SNF8: variants seen among roughly 807,000 people sequenced by gnomAD.
SNF8 encodes the protein SNF8 subunit of ESCRT-II.
In SNF8, 19 loss-of-function variants were observed where a neutral mutation model predicts 36.8. The observed-to-expected ratio is 0.52, with a 90% CI of 0.36 to 0.76. SNF8 has a LOEUF of 0.76. Among genes scored for constraint, SNF8 ranks in the 30% least tolerant of loss-of-function variants. The pLI, the probability that SNF8 is intolerant of heterozygous loss-of-function variation, is 0.00. For synonymous variants in SNF8, 127 were observed against 127.4 expected, an observed-to-expected ratio of 1.00 and a Z score of 0.02; for missense variants, 268 against 322.9, an observed-to-expected ratio of 0.83 and a Z score of 1.30.
At chr17:48,934,702 T>G (rs892320111) in intron 5 of SNF8, 1 of 152,830 alleles carries the variant, frequency 6.5e-6, no homozygotes, top group Non-Finnish European at 1.5e-5. Flanking sequence ...GAACAATGAG[T>G]GCATGCCTCA....
At chr17:48,935,512 CAAAAAAA>C (rs34255720) in intron 5 of SNF8, among the ~76,000 whole-genome samples, 1 of 88,948 alleles carries the variant, frequency 1.1e-5, no homozygotes, top group East Asian at 3.7e-4. Context: ...GACTCTGTCT[CAAAAAAA>C]AAAAAAAAAA....
chr17:48,941,854 C>A (rs1199209009), intron 2 of SNF8, among the ~76,000 whole-genome samples: 3 of 151,918 alleles, frequency 2.0e-5, no homozygotes. Flanking sequence ...CCACACCTGG[C>A]TAATTTTTGT....
In SNF8 at chr17:48,930,164, A is replaced by G. The variant is rs933228309; in HGVS notation, c.*311T>C. ...AGGCTGTAATCTATGTCTCACAGCT[A>G]CAAAGACTAGACAGGCCAGGAAACA... On this transcript the variant is annotated 3_prime_UTR_variant, in exon 8 of 8. Coordinates refer to ENST00000502492, the MANE Select transcript of SNF8 (RefSeq NM_007241.4). 5 of 210,380 alleles carry G rather than the reference A, an allele frequency of 2.4e-5. No homozygotes were observed. Among genetic ancestry groups the G allele is most frequent in the Admixed American group, 5.5e-5 (1 of 18,264 alleles). 13.0% of individuals were successfully genotyped at this position (210,380 alleles called of 1,614,324 possible).
intron 4 of SNF8, chr17:48,936,552 A>C (rs1016842606): frequency 3.0e-6 from 1 of 333,452 alleles, no homozygotes; most frequent in Non-Finnish European, 5.6e-6. Context: ...AATGGTTTTA[A>C]GTTTTCTTTC....
chr17:48,937,593 A>G (rs967032276), intron 3 of SNF8, among the ~76,000 whole-genome samples: 57 of 149,022 alleles, frequency 3.8e-4, no homozygotes, highest in Non-Finnish European at 6.8e-4. Flanking sequence ...TCGCGCCACC[A>G]TACTCCAGCC....
chr17:48,941,078 G>A lies in SNF8; in HGVS notation c.106-16C>T. On this transcript the variant is annotated splice_polypyrimidine_tract_variant and intron_variant, in intron 2 of 7. Coordinates refer to ENST00000502492, the MANE Select transcript of SNF8 (RefSeq NM_007241.4). ...GCTTTGACATCTGTTGGATGGACAG[G>A]GAGTGGTGAAGGGCAGCCCAGCCAA... The A allele has an allele frequency of 1.9e-6, 3 of 1,611,354 alleles. No homozygotes were observed. The highest frequency in any genetic ancestry group is 2.5e-6 in the Non-Finnish European group (3 of 1,177,934).
At chr17:48,940,573 G>A (rs184358016) in intron 3 of SNF8, among the ~76,000 whole-genome samples, 19 of 151,992 alleles carry the variant, frequency 1.3e-4, no homozygotes, top group African/African-American at 4.3e-4. Flanking sequence ...GGCGGATCAC[G>A]AGGTCAGGAT....
intron 5 of SNF8, among the ~76,000 whole-genome samples, chr17:48,933,784 G>A (rs1281359112): frequency 6.6e-6 from 1 of 152,114 alleles, no homozygotes; most frequent in Non-Finnish European, 1.5e-5. Flanking sequence ...AAAAGACAGG[G>A]TCAAGGAGCA....
rs2040825129 is a variant in SNF8, at chr17:48,929,516, C to T, written c.*959G>A. On this transcript the variant is annotated 3_prime_UTR_variant, in exon 8 of 8. Transcript: ENST00000502492. ...CTTAAACAACTCTGGCCTCTTCCCT[C>T]ATCACCACTTCTACTTGCTATAGGA... 1 of 152,186 alleles carries T rather than the reference C, an allele frequency of 6.6e-6. No homozygotes were observed. Among genetic ancestry groups the T allele is most frequent in the Admixed American group, 6.5e-5 (1 of 15,272 alleles). 9.4% of individuals were successfully genotyped at this position (152,186 alleles called of 1,614,324 possible).
intron 2 of SNF8, 63 bp downstream of exon 2, chr17:48,943,862 A>C (rs565759582): frequency 1.4e-6 from 2 of 1,414,654 alleles, no homozygotes; most frequent in African/African-American, 2.8e-5. Context: ...GTTCGTATCC[A>C]AGGTGTCTTG....
chr17:48,934,999 T>C (rs1023877388), intron 5 of SNF8, among the ~76,000 whole-genome samples: 3 of 152,208 alleles, frequency 2.0e-5, no homozygotes, highest in Admixed American at 6.5e-5. Flanking sequence ...TTATATTCCA[T>C]CATCTCACTA....
intron 5 of SNF8, among the ~76,000 whole-genome samples, chr17:48,935,395 C>T (rs985229611): frequency 1.3e-5 from 2 of 151,968 alleles, no homozygotes; most frequent in African/African-American, 4.8e-5. Flanking sequence ...CGCCTGTAGT[C>T]CCAGCTACTC....
At chr17:48,939,473 T>C (rs868796757) in intron 3 of SNF8, among the ~76,000 whole-genome samples, 25 of 149,852 alleles carry the variant, frequency 1.7e-4, no homozygotes, top group Non-Finnish European at 3.6e-4. Flanking sequence ...TTTTTTTTTT[T>C]TGGGGGGATG....
rs868796757 is a variant in SNF8 at position 48,939,473 on chromosome 17, T to G, written c.244+1451A>C. ...TTAGTAATTTCTTTTTTTTTTTTTT[T>G]TGGGGGGATGGAGTCTCGCTCTGTT... On this transcript the variant is annotated intron_variant, in intron 3 of 7. Transcript: ENST00000502492. Among the ~76,000 whole-genome samples, 867 of 149,852 alleles carry G rather than the reference T, an allele frequency of 5.8e-3. 12 individuals carry two copies. Among genetic ancestry groups the G allele is most frequent in the African/African-American group, 0.018 (739 of 41,134 alleles).
intron 2 of SNF8, 74 bp downstream of exon 2, chr17:48,943,851 A>G (rs1231012730): frequency 6.8e-6 from 9 of 1,322,372 alleles, no homozygotes; most frequent in Non-Finnish European, 9.8e-6. Context: ...TACACAATCA[A>G]GTTCGTATCC....
At chr17:48,938,295 G>A (rs548116272) in intron 3 of SNF8, among the ~76,000 whole-genome samples, 2 of 151,814 alleles carry the variant, frequency 1.3e-5, no homozygotes, top group Non-Finnish European at 2.9e-5. Flanking sequence ...TCAGGAGTTC[G>A]AGAACAGCCT....
intron 3 of SNF8, among the ~76,000 whole-genome samples, chr17:48,939,215 G>A (rs1442417119): frequency 2.7e-5 from 4 of 149,874 alleles, no homozygotes; most frequent in Admixed American, 1.3e-4. Flanking sequence ...TGAGCCAAGA[G>A]TGTCACACCA....
At chr17:48,930,759 T>C (rs2040847231) in intron 7 of SNF8, 147 bp from the exon 8 acceptor site, 1 of 814,044 alleles carries the variant, frequency 1.2e-6, no homozygotes, top group Non-Finnish European at 1.9e-6. Flanking sequence ...CACAACCAAC[T>C]AAACGAGCTG....
At chr17:48,941,201 C>T in intron 2 of SNF8, 139 bp from the exon 3 acceptor site, 1 of 938,622 alleles carries the variant, frequency 1.1e-6, no homozygotes, top group Non-Finnish European at 1.6e-6. Context: ...TGTTTACCAT[C>T]TCTCTTTTTA....
Sources: allele counts gnomAD v4.1 joint callset (sites outside exome capture counted in the v4.1 genomes callset), GRCh38; gene constraint gnomAD v4.1.1; transcripts MANE v1.5; gene names NCBI Gene and HGNC (gene_info 2026-07-23, HGNC 2026-07-21).